The following FSTL4 variants were observed in gnomAD, a reference collection of about 807,000 sequenced individuals.
FSTL4 encodes the protein follistatin like 4, also known as follistatin-related protein 4.
In FSTL4, 28 loss-of-function variants were observed where a neutral mutation model predicts 78.2. The ratio of observed to expected loss-of-function variants is 0.36; its 90% CI spans 0.27 to 0.49. FSTL4 has a LOEUF of 0.49. FSTL4 is among the 20% of genes least tolerant of loss of function. FSTL4 has a pLI of 0.98. For synonymous variants in FSTL4, 422 were observed against 440.5 expected (o/e 0.96, Z 0.53); for missense variants, 922 against 1,084.9 (o/e 0.85, Z 2.11).
chr5:133,755,280 G>A, the FSTL4 span, among the ~76,000 whole-genome samples: 1 of 152,170 alleles, frequency 6.6e-6, no homozygotes, highest in Non-Finnish European at 1.5e-5. Context: ...ACCCAGGATA[G>A]CACTCTCACT....
rs1277188763 is a variant in FSTL4 at position 133,288,151 on chromosome 5, T to A, written c.727+24503A>T. ...CCTCAGTAAAGAACAATTATTATTT[T>A]AAAAAATGATTAATGTATTTTGAGT... is the stretch of plus-strand genomic sequence containing the variant. On this transcript the variant is annotated intron_variant, in intron 6 of 15. Transcript: ENST00000265342. 2.0e-5 allele frequency among the ~76,000 whole-genome samples: 3 copies of A among 152,258 alleles called. No individual in the cohort carries two copies. In the East Asian group the frequency reaches 5.8e-4, roughly 29 times the overall value.
intron 3 of FSTL4, among the ~76,000 whole-genome samples, chr5:133,524,829 C>T (rs558591439): frequency 2.0e-5 from 3 of 152,322 alleles, no homozygotes; most frequent in African/African-American, 4.8e-5. Context: ...AGTGAGGCCA[C>T]CCACTGGGCA....
At chr5:133,639,596 G>A in the FSTL4 span, among the ~76,000 whole-genome samples, 179 of 152,288 alleles carry the variant, frequency 1.2e-3, no homozygotes, top group African/African-American at 4.1e-3. Context: ...TTCCAGGCAG[G>A]GCAGAATCCC....
chr5:133,332,385 G>A (rs1472533559), intron 4 of FSTL4, among the ~76,000 whole-genome samples: 1 of 152,186 alleles, frequency 6.6e-6, no homozygotes, highest in East Asian at 1.9e-4. Context: ...TCATGGTAAT[G>A]GATTCAGATG....
At chr5:133,739,810 A>G in the FSTL4 span, among the ~76,000 whole-genome samples, 1 of 152,252 alleles carries the variant, frequency 6.6e-6, no homozygotes, top group African/African-American at 2.4e-5. Flanking sequence ...GAAGAAACTC[A>G]GGCTCAGAGA....
chr5:133,648,384 C>A, the FSTL4 span, among the ~76,000 whole-genome samples: 2 of 152,218 alleles, frequency 1.3e-5, no homozygotes, highest in Admixed American at 1.3e-4. Context: ...CCAAGCACAG[C>A]AACTGGACAA....
the FSTL4 span, among the ~76,000 whole-genome samples, chr5:133,732,683 C>A: frequency 6.6e-6 from 1 of 152,214 alleles, no homozygotes; most frequent in Non-Finnish European, 1.5e-5. Flanking sequence ...CCAGATCCTG[C>A]GCTTGCCCAC....
intron 6 of FSTL4, among the ~76,000 whole-genome samples, chr5:133,287,924 C>A (rs1343529139): frequency 1.3e-5 from 2 of 152,188 alleles, no homozygotes; most frequent in Non-Finnish European, 2.9e-5. Flanking sequence ...CTCCCTCATG[C>A]CTTATCCCCA....
intron 2 of FSTL4, among the ~76,000 whole-genome samples, chr5:133,598,251 T>C (rs376906941): frequency 5.9e-4 from 90 of 152,184 alleles, no homozygotes; most frequent in African/African-American, 2.1e-3. Context: ...GGGGCTCCTC[T>C]AAGGCTTTTC....
intron 3 of FSTL4, among the ~76,000 whole-genome samples, chr5:133,454,889 AG>A (rs2127013568): frequency 6.6e-6 from 1 of 152,308 alleles, no homozygotes; most frequent in East Asian, 1.9e-4. Context: ...CTCCTATCAC[AG>A]GGGTCTCCTC....
intron 4 of FSTL4, among the ~76,000 whole-genome samples, chr5:133,372,030 G>A (rs148699080): frequency 1.3e-5 from 2 of 152,314 alleles, no homozygotes; most frequent in African/African-American, 2.4e-5. Context: ...ACACTGACAA[G>A]CAGGGCATTT....
intron 8 of FSTL4, among the ~76,000 whole-genome samples, chr5:133,231,565 T>C (rs1179571558): frequency 6.6e-6 from 1 of 152,188 alleles, no homozygotes; most frequent in Non-Finnish European, 1.5e-5. Flanking sequence ...TTCTTTGAGA[T>C]AGAGTCTCCC....
intron 14 of FSTL4, 59 bp from the exon 15 acceptor site, chr5:133,202,101 G>A (rs1296468604): frequency 3.6e-6 from 4 of 1,123,796 alleles, no homozygotes; most frequent in Admixed American, 1.9e-5. Flanking sequence ...TGAACCTGGA[G>A]ACACCTGTAC....
At chr5:133,724,466 T>A in the FSTL4 span, among the ~76,000 whole-genome samples, 3 of 149,012 alleles carry the variant, frequency 2.0e-5, no homozygotes, top group Non-Finnish European at 4.5e-5. Context: ...GAAATATAGG[T>A]GTTTATTCAT....
intron 5 of FSTL4, 107 bp downstream of exon 5, chr5:133,316,352 T>C: frequency 1.3e-6 from 1 of 786,246 alleles, no homozygotes; most frequent in Non-Finnish European, 2.0e-6. Flanking sequence ...GTTTGTGAGA[T>C]GTTCTCAGAG....
chr5:133,386,726 C>T (rs1225085364), intron 4 of FSTL4, among the ~76,000 whole-genome samples: 1 of 152,118 alleles, frequency 6.6e-6, no homozygotes, highest in Non-Finnish European at 1.5e-5. Flanking sequence ...AGAAGGAACC[C>T]AGGCAGAAGT....
intron 1 of FSTL4, among the ~76,000 whole-genome samples, chr5:133,604,412 G>A (rs1017990937): frequency 6.6e-6 from 1 of 152,062 alleles, no homozygotes; most frequent in Non-Finnish European, 1.5e-5. Flanking sequence ...TAGTGCTCGA[G>A]AAACTATGAT....
intron 10 of FSTL4, 28 bp from the exon 11 acceptor site, chr5:133,224,244 G>A: frequency 6.3e-7 from 1 of 1,588,844 alleles, no homozygotes; most frequent in Non-Finnish European, 8.6e-7. Context: ...GAGGAAAGCA[G>A]GAGTGTGATG....
intron 3 of FSTL4, among the ~76,000 whole-genome samples, chr5:133,402,226 A>T (rs1756247064): frequency 6.6e-6 from 1 of 152,176 alleles, no homozygotes; most frequent in Non-Finnish European, 1.5e-5. Context: ...CAACACCCAC[A>T]GTGATCTCAG....
Sources: gnomAD v4.1 joint callset for allele counts (sites outside exome capture counted in the v4.1 genomes callset) on GRCh38, gnomAD v4.1.1 for gene constraint, MANE v1.5 for transcripts, NCBI Gene and HGNC (gene_info 2026-07-23, HGNC 2026-07-21) for gene names.